Variants in RGPD2 observed in about 807,000 individuals in gnomAD.
The protein encoded by RGPD2 is RANBP2-like and GRIP domain-containing protein 2.
Under a neutral mutation model 36.0 loss-of-function variants are expected in RGPD2, and 2 were observed. The ratio of observed to expected loss-of-function variants is 0.06; its 90% CI spans 0.02 to 0.17. The LOEUF is 0.17. Among genes scored for constraint, RGPD2 ranks in the 10% least tolerant of loss-of-function variants. The pLI is 1.00. For missense variants in RGPD2, 40 were observed against 464.3 expected (o/e 0.09, Z 8.40); for synonymous variants, 19 against 163.8 (o/e 0.12, Z 6.75).
the RGPD2 span, among the ~76,000 whole-genome samples, chr2:87,918,475 G>T: frequency 6.6e-6 from 1 of 150,998 alleles, no homozygotes; most frequent in Non-Finnish European, 1.5e-5. Context: ...GTGCTGTACA[G>T]ATGGACAATG....
chr2:87,869,353 TC>T, the RGPD2 span, among the ~76,000 whole-genome samples: 1 of 84,178 alleles, frequency 1.2e-5, no homozygotes. Context: ...AACTCAGCCA[TC>T]TTTTCTGTAC....
the RGPD2 span, among the ~76,000 whole-genome samples, chr2:87,894,255 T>C: frequency 5.9e-5 from 9 of 152,096 alleles, no homozygotes; most frequent in Admixed American, 2.0e-4. Flanking sequence ...CTTGAGATAA[T>C]TTATAATTTC....
chr2:87,872,483 T>C, the RGPD2 span, among the ~76,000 whole-genome samples: 1 of 152,208 alleles, frequency 6.6e-6, no homozygotes, highest in East Asian at 1.9e-4. Context: ...TTGTTGTTTT[T>C]AATTGTTTTT....
chr2:87,876,738 G>A, the RGPD2 span, among the ~76,000 whole-genome samples: 1 of 152,198 alleles, frequency 6.6e-6, no homozygotes, highest in East Asian at 1.9e-4. Context: ...GCTTGATCCA[G>A]AGTTGAGTCC....
At chr2:87,825,920 C>T, upstream of RGPD2, 4 of 657,404 alleles carry the variant, frequency 6.1e-6, no homozygotes, top group Non-Finnish European at 9.6e-6. Flanking sequence ...CGGCCGGGCT[C>T]TTGGCAGCAC....
the RGPD2 span, among the ~76,000 whole-genome samples, chr2:87,979,790 CAGG>C: frequency 2.9e-5 from 4 of 137,774 alleles, no homozygotes; most frequent in Non-Finnish European, 6.3e-5. Context: ...GAGGTTGAGG[CAGG>C]AGAATAGCTT....
chr2:87,839,198 T>C, the RGPD2 span, among the ~76,000 whole-genome samples: 2 of 151,800 alleles, frequency 1.3e-5, no homozygotes, highest in Admixed American at 6.6e-5. Context: ...ACAACCCCAT[T>C]TAAAAAATGG....
intron 4 of RGPD2, among the ~76,000 whole-genome samples, chr2:87,813,901 G>C (rs917979243): frequency 6.6e-6 from 1 of 150,874 alleles, no homozygotes; most frequent in Non-Finnish European, 1.5e-5. Flanking sequence ...AAAAAAATCT[G>C]ATACAGGAAA....
At chr2:87,961,439 G>A in the RGPD2 span, among the ~76,000 whole-genome samples, 1 of 151,846 alleles carries the variant, frequency 6.6e-6, no homozygotes, top group East Asian at 2.0e-4. Context: ...CGTGGCTCAC[G>A]CCTGTAATCC....
chr2:87,960,092 A>G, the RGPD2 span, among the ~76,000 whole-genome samples: 4 of 129,916 alleles, frequency 3.1e-5, no homozygotes, highest in Non-Finnish European at 1.6e-5. Flanking sequence ...CAAAACCTCA[A>G]TTCATGAGCC....
the RGPD2 span, among the ~76,000 whole-genome samples, chr2:87,857,647 T>C: frequency 6.6e-6 from 1 of 151,704 alleles, no homozygotes; most frequent in African/African-American, 2.4e-5. Flanking sequence ...ATACTTAAAA[T>C]AGTAGTCGAG....
the RGPD2 span, among the ~76,000 whole-genome samples, chr2:87,961,552 A>G: frequency 6.6e-6 from 1 of 151,434 alleles, no homozygotes; most frequent in African/African-American, 2.4e-5. Flanking sequence ...AATACAAAAA[A>G]TTACCCGGGC....
chr2:87,985,677 C>A, the RGPD2 span: 1 of 1,418,026 alleles, frequency 7.1e-7, no homozygotes, highest in African/African-American at 1.4e-5. Context: ...AATTATGCAA[C>A]CATTACATTA....
the RGPD2 span, among the ~76,000 whole-genome samples, chr2:87,961,078 T>C: frequency 2.3e-4 from 34 of 150,900 alleles, no homozygotes; most frequent in Non-Finnish European, 4.9e-4. Context: ...AATACTATGG[T>C]ATTCTAGGTT....
chr2:87,825,499 AGGCCGAGGCCGAGGCCGCCGCCC>A lies in RGPD2; in HGVS notation c.72+136_72+158del, dbSNP rs1280465924. Among the ~76,000 whole-genome samples the A allele has an allele frequency of 6.3e-3, 272 of 43,424 alleles. 7 individuals carry two copies. Among genetic ancestry groups the A allele is most frequent in the African/African-American group, 0.014 (151 of 10,496 alleles). 28.5% of individuals were successfully genotyped at this position (43,424 alleles called of 152,430 possible). On this transcript the variant is annotated intron_variant, in intron 1 of 22. Transcript: ENST00000398146. ...CGTCGCCGCCGCCGCCGCCCGGCCGAGGCCGAGGCCGAGGCCGCCGCCCGGCCGAGGCCGAGGCCGAGGCCGCC... is the reference window on the plus strand; with the variant it reads ...CGTCGCCGCCGCCGCCGCCCGGCCGAGGCCGAGGCCGAGGCCGAGGCCGCC...
the RGPD2 span, among the ~76,000 whole-genome samples, chr2:87,936,576 G>T: frequency 1.5e-4 from 8 of 54,270 alleles, no homozygotes; most frequent in East Asian, 3.5e-3. Flanking sequence ...TTTAATTGGG[G>T]TCCAGTGACT....
At chr2:87,960,245 C>A in the RGPD2 span, among the ~76,000 whole-genome samples, 1 of 149,380 alleles carries the variant, frequency 6.7e-6, no homozygotes, top group African/African-American at 2.4e-5. Context: ...TTCTACAGAT[C>A]TTCTCTATAA....
chr2:87,888,460 A>G, the RGPD2 span, among the ~76,000 whole-genome samples: 1 of 125,082 alleles, frequency 8.0e-6, no homozygotes, highest in Admixed American at 8.5e-5. Flanking sequence ...CAGAAAAAAT[A>G]CTAGTAAAAA....
At chr2:87,964,818 T>TATTTA in the RGPD2 span, among the ~76,000 whole-genome samples, 1 of 79,826 alleles carries the variant, frequency 1.3e-5, no homozygotes, top group African/African-American at 3.7e-5. Flanking sequence ...TTTATTTATT[T>TATTTA]TTCTTTTTGA....
Sources: gnomAD v4.1 joint callset for allele counts (sites outside exome capture counted in the v4.1 genomes callset) on GRCh38, gnomAD v4.1.1 for gene constraint, MANE v1.5 for transcripts, NCBI Gene and HGNC (gene_info 2026-07-23, HGNC 2026-07-21) for gene names.